The following COL24A1 variants were observed in gnomAD, a reference collection of about 807,000 sequenced individuals.
COL24A1 encodes the protein collagen type XXIV alpha 1 chain.
A neutral mutation model predicts 253.9 loss-of-function variants in COL24A1; 224 were observed. The observed-to-expected ratio is 0.88, with a 90% CI of 0.79 to 0.99. The LOEUF (loss-of-function observed/expected upper bound fraction) is 0.99. Among genes scored for constraint, COL24A1 ranks in the 50% least tolerant of loss-of-function variants. The pLI, the probability that COL24A1 is intolerant of heterozygous loss-of-function variation, is 0.00. For synonymous variants in COL24A1, 685 were observed against 673.7 expected (o/e 1.02, Z -0.26); for missense variants, 2,131 against 2,068.5 (o/e 1.03, Z -0.59).
intron 19 of COL24A1, among the ~76,000 whole-genome samples, chr1:86,006,487 C>G (rs1347246735): frequency 2.6e-5 from 4 of 152,162 alleles, no homozygotes; most frequent in Non-Finnish European, 4.4e-5. Context: ...TAGACACAGA[C>G]CTTACACCTG....
At chr1:85,871,671 T>A (rs148050234) in intron 35 of COL24A1, among the ~76,000 whole-genome samples, 60,626 of 151,590 alleles carry the variant, frequency 0.4, 12,708 homozygotes, top group South Asian at 0.59. Context: ...AACTCTCCAT[T>A]AATTAGGTAT....
rs376396711 is a variant in COL24A1 at position 86,115,319 on chromosome 1, A to G, written c.1545+6T>C. On this transcript the variant is annotated splice_donor_region_variant and intron_variant, in intron 4 of 59. Transcript: ENST00000370571. Reference sequence around the variant, plus strand: ...TGCCAGCAGGAAATATAGCCCATCTACTTACCCGTGGACCTCTCTTCCCTG... The same window carrying G: ...TGCCAGCAGGAAATATAGCCCATCTGCTTACCCGTGGACCTCTCTTCCCTG... 5.4e-5 allele frequency: 87 copies of G among 1,613,610 alleles called. No individual in the cohort carries two copies. The African/African-American group carries it at 1.1e-3, about 20-fold the overall frequency.
At position 86,125,002 on chromosome 1, in the gene COL24A1, A is replaced by T. The variant is rs1648026636; in HGVS notation, c.1334T>A (p.Leu445His). ...AAATTCACCTTCTTTCCTTAGATCAAGGTGATTATCCACAGATGGCTCATT... is the reference window on the plus strand; with the variant it reads ...AAATTCACCTTCTTTCCTTAGATCATGGTGATTATCCACAGATGGCTCATT... ...VTNEPSVDNH[L>H]DLRKEGEFYP... The change falls in exon 3 of 60, where the codon CTT (leucine) becomes CAT (histidine). Residue 445 changes from leucine to histidine, a missense_variant. Physicochemically the swap from Leu to His is moderately conservative, Grantham distance 99 (BLOSUM62 -3). Coordinates refer to ENST00000370571, the MANE Select transcript of COL24A1 (RefSeq NM_152890.7). 4 of 1,613,202 alleles carry T rather than the reference A, an allele frequency of 2.5e-6. No homozygotes were observed. In the East Asian group the frequency reaches 8.9e-5, roughly 36 times the overall value.
chr1:85,768,583 T>TGTG (rs1667619564), intron 53 of COL24A1, among the ~76,000 whole-genome samples: 1 of 25,398 alleles, frequency 3.9e-5, no homozygotes, highest in Non-Finnish European at 1.8e-4. Flanking sequence ...TTAGTTCTTT[T>TGTG]GTGCGGGGGG....
Position 85,903,411 on chromosome 1 carries a change from T to C in COL24A1, c.2778+3783A>G, listed in dbSNP as rs181825098. Among the ~76,000 whole-genome samples the C allele has an allele frequency of 2.1e-3, 314 of 152,308 alleles. 10 individuals carry two copies. In the South Asian group the frequency reaches 0.052, roughly 25 times the overall value. ...TTATAGAAGTTATCCCATGGGTTAC[T>C]GTATATGTCTGCTTTGACTTCTAAG... On this transcript the variant is annotated intron_variant, in intron 28 of 59. Coordinates refer to ENST00000370571, the MANE Select transcript of COL24A1 (RefSeq NM_152890.7).
chr1:85,922,711 A>T (rs1686666950), intron 24 of COL24A1, among the ~76,000 whole-genome samples: 1 of 152,224 alleles, frequency 6.6e-6, no homozygotes, highest in African/African-American at 2.4e-5. Context: ...GCTGCAAAAA[A>T]CATGCCAAAT....
chr1:86,007,953 A>C (rs1224352702), intron 19 of COL24A1, among the ~76,000 whole-genome samples: 1 of 152,340 alleles, frequency 6.6e-6, no homozygotes, highest in East Asian at 1.9e-4. Context: ...ACACTAATGT[A>C]AACTATGGAC....
chr1:85,884,677 T>A (rs1682264038), intron 32 of COL24A1, among the ~76,000 whole-genome samples: 1 of 152,200 alleles, frequency 6.6e-6, no homozygotes, highest in Non-Finnish European at 1.5e-5. Flanking sequence ...GAGGTGAAAT[T>A]AGGTTTTCCT....
intron 18 of COL24A1, 126 bp downstream of exon 18, chr1:86,022,114 A>G (rs1364128492): frequency 3.0e-5 from 25 of 834,246 alleles, no homozygotes; most frequent in Non-Finnish European, 4.8e-5. Context: ...GGGATTTGCT[A>G]TATTCTAAAA....
intron 19 of COL24A1, among the ~76,000 whole-genome samples, chr1:86,002,872 C>G (rs1156588109): frequency 6.6e-6 from 1 of 152,136 alleles, no homozygotes; most frequent in East Asian, 1.9e-4. Context: ...CTTTTGGGGT[C>G]TAAGGAGCAA....
Position 86,153,641 on chromosome 1 carries a change from AG to A in COL24A1, c.56+2699del, listed in dbSNP as rs571958569. Among the ~76,000 whole-genome samples, 5 of 152,348 alleles carry A rather than the reference AG, an allele frequency of 3.3e-5. No homozygotes were observed. The South Asian group carries it at 1.0e-3, about 32-fold the overall frequency. ...GTAGAATGTCTAAATGACACTCAAA[AG>A]TACTTTCCATAAATTAGATTTACTC... On this transcript the variant is annotated intron_variant, in intron 1 of 59. Coordinates refer to ENST00000370571, the MANE Select transcript of COL24A1 (RefSeq NM_152890.7).
intron 53 of COL24A1, among the ~76,000 whole-genome samples, chr1:85,769,943 G>A (rs973925825): frequency 2.0e-5 from 3 of 152,004 alleles, no homozygotes; most frequent in Non-Finnish European, 4.4e-5. Flanking sequence ...ATTGCCATAG[G>A]TACTTCAGGC....
chr1:86,123,338 T>C (rs1647677792), intron 3 of COL24A1, among the ~76,000 whole-genome samples: 1 of 64,210 alleles, frequency 1.6e-5, no homozygotes, highest in African/African-American at 6.1e-5. Flanking sequence ...CATCAAAAAA[T>C]ACTATTTTTT....
intron 22 of COL24A1, among the ~76,000 whole-genome samples, chr1:85,966,283 A>C (rs1691563402): frequency 1.3e-5 from 2 of 152,112 alleles, no homozygotes; most frequent in Admixed American, 1.3e-4. Flanking sequence ...TTGGAGGGTA[A>C]ATAAGAAGCT....
chr1:86,043,454 G>T (rs888531956), intron 12 of COL24A1, among the ~76,000 whole-genome samples: 3 of 151,630 alleles, frequency 2.0e-5, no homozygotes, highest in African/African-American at 7.3e-5. Flanking sequence ...ACTAATGATA[G>T]TAAATGAAAT....
chr1:86,152,071 C>A (rs941414580), intron 1 of COL24A1, among the ~76,000 whole-genome samples: 1 of 152,162 alleles, frequency 6.6e-6, no homozygotes, highest in African/African-American at 2.4e-5. Flanking sequence ...AATTTCTGTT[C>A]TTTCCTCTCA....
At chr1:85,948,300 G>A (rs975028686) in intron 24 of COL24A1, among the ~76,000 whole-genome samples, 1 of 151,658 alleles carries the variant, frequency 6.6e-6, no homozygotes, top group Non-Finnish European at 1.5e-5. Context: ...CGAGGCGGGC[G>A]GATCACGAGG....
At chr1:85,759,031 C>A (rs1666569609) in intron 55 of COL24A1, among the ~76,000 whole-genome samples, 1 of 152,010 alleles carries the variant, frequency 6.6e-6, no homozygotes, top group East Asian at 1.9e-4. Context: ...TAAAAATAAT[C>A]CTGAATGAGA....
intron 24 of COL24A1, among the ~76,000 whole-genome samples, chr1:85,919,589 C>T (rs189817978): frequency 2.3e-3 from 345 of 152,168 alleles, no homozygotes; most frequent in Non-Finnish European, 4.2e-3. Context: ...AAGACTGAGG[C>T]GGGAGGCTTG....
Sources: gnomAD v4.1 joint callset for allele counts (sites outside exome capture counted in the v4.1 genomes callset) on GRCh38, gnomAD v4.1.1 for gene constraint, MANE v1.5 for transcripts, NCBI Gene and HGNC (gene_info 2026-07-23, HGNC 2026-07-21) for gene names.